The following NINJ2 variants were observed in gnomAD, a reference collection of about 807,000 sequenced individuals.
NINJ2 encodes the protein ninjurin 2.
NINJ2 carries 12 observed loss-of-function variants against 11.7 expected under a neutral mutation model. That is an observed-to-expected ratio of 1.02 (90% CI 0.66 to 1.66). The LOEUF (loss-of-function observed/expected upper bound fraction) is 1.66. Ranked by LOEUF, NINJ2 falls within the 40% of genes most tolerant of loss-of-function variation. The pLI is 0.00. For synonymous variants in NINJ2, 93 were observed against 76.8 expected, an observed-to-expected ratio of 1.21 and a Z score of -1.10; for missense variants, 187 against 181.8, an observed-to-expected ratio of 1.03 and a Z score of -0.16.
At chr12:620,927 G>C (rs183220039) in intron 1 of NINJ2, among the ~76,000 whole-genome samples, 1 of 152,198 alleles carries the variant, frequency 6.6e-6, no homozygotes, top group African/African-American at 2.4e-5. Context: ...ACTGCTCCCA[G>C]CTAAGGTTTT....
intron 3 of NINJ2, among the ~76,000 whole-genome samples, 162 bp from the exon 4 acceptor site, chr12:564,843 G>A (rs753685022): frequency 1.3e-5 from 2 of 152,268 alleles, no homozygotes; most frequent in South Asian, 4.1e-4. Flanking sequence ...AAGTTCCTGG[G>A]TGGTTTGTGG....
At chr12:643,434 C>G (rs1017880559) in intron 1 of NINJ2, 3 of 988,126 alleles carry the variant, frequency 3.0e-6, no homozygotes, top group Non-Finnish European at 2.4e-6. Flanking sequence ...TCCGCCGCGA[C>G]GCGGCTCACA....
chr12:629,896 A>AAAAAAAAAAAAATATATAT, intron 1 of NINJ2, among the ~76,000 whole-genome samples: 2 of 9,904 alleles, frequency 2.0e-4, no homozygotes, highest in Non-Finnish European at 4.7e-4. Flanking sequence ...AAAAAAAAAA[A>AAAAAAAAAAAAATATATAT]ATATATATAT....
chr12:609,217 AGGGGCTGAAC>A (rs1947984154), intron 1 of NINJ2, among the ~76,000 whole-genome samples: 1 of 123,198 alleles, frequency 8.1e-6, no homozygotes, highest in Non-Finnish European at 1.7e-5. Context: ...GCCACGCGCT[AGGGGCTGAAC>A]GCGCACGCAC....
At chr12:588,917 A>G (rs1313603167) in intron 1 of NINJ2, among the ~76,000 whole-genome samples, 1 of 152,216 alleles carries the variant, frequency 6.6e-6, no homozygotes, top group African/African-American at 2.4e-5. Flanking sequence ...CCTTGGTAGA[A>G]ATGTAAATTA....
chr12:572,564 C>G (rs2535416), intron 1 of NINJ2, among the ~76,000 whole-genome samples: 58,127 of 152,092 alleles, frequency 0.38, 12,105 homozygotes, highest in Non-Finnish European at 0.48. Flanking sequence ...TCAGAATTCA[C>G]TTGGGAAGGG....
chr12:612,573 C>T (rs1565635575), intron 1 of NINJ2, among the ~76,000 whole-genome samples: 1 of 152,284 alleles, frequency 6.6e-6, no homozygotes, highest in East Asian at 1.9e-4. Context: ...GGCCAGGCAG[C>T]CCCAGAAAAG....
At chr12:567,058 G>A (rs1041965503) in intron 1 of NINJ2, among the ~76,000 whole-genome samples, 1 of 152,252 alleles carries the variant, frequency 6.6e-6, no homozygotes, top group East Asian at 1.9e-4. Context: ...AGGGCTAGAA[G>A]CAGGGAGAGT....
Position 615,254 on chromosome 12 carries a change from T to A in NINJ2, c.33+48074A>T, listed in dbSNP as rs185767395. 4.1e-3 allele frequency among the ~76,000 whole-genome samples: 626 copies of A among 152,322 alleles called. 1 individual carries two copies. Among genetic ancestry groups the A allele is most frequent in the Non-Finnish European group, 6.3e-3 (426 of 68,020 alleles). Reference sequence around the variant, plus strand: ...TTTACCAAGAGGAGCATGATTTTTTTAAATGACTGACAGCTTTTCCAAAGG... The same window carrying A: ...TTTACCAAGAGGAGCATGATTTTTTAAAATGACTGACAGCTTTTCCAAAGG... On this transcript the variant is annotated intron_variant, in intron 1 of 3. Transcript: ENST00000305108.
intron 1 of NINJ2, among the ~76,000 whole-genome samples, chr12:578,661 A>C (rs1947505203): frequency 6.6e-6 from 1 of 152,172 alleles, no homozygotes; most frequent in Non-Finnish European, 1.5e-5. Context: ...CTTTGAACCC[A>C]GCCAGGCTCT....
In NINJ2 at chr12:659,409, A is replaced by G. The variant is rs73037145; in HGVS notation, c.33+3919T>C. Among the ~76,000 whole-genome samples the G allele has an allele frequency of 1.6e-3, 240 of 152,210 alleles. 1 individual carries two copies. The highest frequency in any genetic ancestry group is 2.9e-3 in the Admixed American group (44 of 15,282). On this transcript the variant is annotated intron_variant, in intron 1 of 3. Coordinates refer to ENST00000305108, the MANE Select transcript of NINJ2 (RefSeq NM_016533.6). ...GGAAGGAGCCAGGCTAGGGGCTTAA[A>G]CTCTGTACTTGGGGGTAGGGTTGCA... is the stretch of plus-strand genomic sequence containing the variant.
In NINJ2 at chr12:628,852, T is replaced by C. The variant is rs1332413235; in HGVS notation, c.33+34476A>G. On this transcript the variant is annotated intron_variant, in intron 1 of 3. Coordinates refer to ENST00000305108, the MANE Select transcript of NINJ2 (RefSeq NM_016533.6). This position sits in a 1 kb window ranked among gnomAD's most constrained non-coding sequence, Gnocchi z 4.4. ...CACCAGCACCATGGCAGTTTACAAA[T>C]GCCATGGCAACACCTGGAAATTATC... Among the ~76,000 whole-genome samples, 1 of 152,138 alleles carries C rather than the reference T, an allele frequency of 6.6e-6. No homozygotes were observed. Among genetic ancestry groups the C allele is most frequent in the African/African-American group, 2.4e-5 (1 of 41,428 alleles).
At chr12:588,854 G>A (rs936916913) in intron 1 of NINJ2, among the ~76,000 whole-genome samples, 4 of 152,206 alleles carry the variant, frequency 2.6e-5, no homozygotes, top group Non-Finnish European at 4.4e-5. Flanking sequence ...AGACTTAAGA[G>A]ACTGATAATA....
intron 1 of NINJ2, among the ~76,000 whole-genome samples, chr12:654,998 T>G (rs1226347354): frequency 6.6e-6 from 1 of 151,950 alleles, no homozygotes; most frequent in Admixed American, 6.6e-5. Flanking sequence ...TTAATAGATG[T>G]AGAAAAAGTA....
intron 1 of NINJ2, among the ~76,000 whole-genome samples, chr12:609,044 C>T (rs1200291271): frequency 2.1e-4 from 31 of 150,968 alleles, no homozygotes; most frequent in Admixed American, 2.0e-3. Flanking sequence ...ACGCACGGCG[C>T]CACGCGCTAG....
intron 1 of NINJ2, among the ~76,000 whole-genome samples, chr12:639,593 C>T (rs1256626052): frequency 1.3e-5 from 2 of 152,160 alleles, no homozygotes; most frequent in African/African-American, 2.4e-5. Flanking sequence ...CCTATGGCTC[C>T]GTTTATGGAC....
At chr12:574,090 G>T (rs1220071918) in intron 1 of NINJ2, among the ~76,000 whole-genome samples, 1 of 152,090 alleles carries the variant, frequency 6.6e-6, no homozygotes. Flanking sequence ...GTGTGGTGGT[G>T]CATGCTTATA....
intron 1 of NINJ2, among the ~76,000 whole-genome samples, chr12:660,575 G>A (rs767985460): frequency 4.6e-5 from 7 of 151,958 alleles, no homozygotes; most frequent in African/African-American, 7.2e-5. Flanking sequence ...CCCTGACCTC[G>A]TGATCCGCCC....
chr12:585,590 A>G lies in NINJ2; in HGVS notation c.34-19412T>C, dbSNP rs112268755. On this transcript the variant is annotated intron_variant, in intron 1 of 3. Coordinates refer to ENST00000305108, the MANE Select transcript of NINJ2 (RefSeq NM_016533.6). This position sits in a 1 kb window ranked among gnomAD's most constrained non-coding sequence, Gnocchi z 4.1. ...AGGGAGGCTGAGCACAGGCACGGTC[A>G]CGCTGTGTTGCACCCTGGCCTGCTC... Among the ~76,000 whole-genome samples the G allele has an allele frequency of 2.1e-3, 312 of 152,148 alleles. 4 individuals are homozygous for G. Among genetic ancestry groups the G allele is most frequent in the African/African-American group, 7.1e-3 (295 of 41,398 alleles).
Sources: gnomAD v4.1 joint callset for allele counts (sites outside exome capture counted in the v4.1 genomes callset) on GRCh38, gnomAD v4.1.1 for gene constraint, Gnocchi (gnomAD v3.1) non-coding constraint, MANE v1.5 for transcripts, NCBI Gene and HGNC (gene_info 2026-07-23, HGNC 2026-07-21) for gene names.